COL5A2: variants seen among roughly 807,000 people sequenced by gnomAD.
COL5A2 encodes the protein collagen alpha-2(V) chain.
A neutral mutation model predicts 208.2 loss-of-function variants in COL5A2; 23 were observed. That is an observed-to-expected ratio of 0.11 (90% CI 0.08 to 0.16). The LOEUF (loss-of-function observed/expected upper bound fraction) is 0.16. Ranked by LOEUF, COL5A2 falls within the 10% of genes least tolerant of loss-of-function variation. The pLI is 1.00. For missense variants in COL5A2, 1,590 were observed against 1,956.4 expected (o/e 0.81, Z 3.53); for synonymous variants, 625 against 628.5 (o/e 0.99, Z 0.08).
chr2:189,169,541 G>T (rs1688532327), intron 1 of COL5A2, among the ~76,000 whole-genome samples: 1 of 152,026 alleles, frequency 6.6e-6, no homozygotes, highest in Admixed American at 6.6e-5. Context: ...TAAAATCACT[G>T]ATATATTACC....
chr2:189,169,341 G>A (rs537488651), intron 1 of COL5A2, among the ~76,000 whole-genome samples: 7 of 152,260 alleles, frequency 4.6e-5, no homozygotes, highest in South Asian at 2.1e-4. Flanking sequence ...GTGGGGCTGC[G>A]AAACAGGGGA....
chr2:189,084,584 C>A (rs899893149), intron 11 of COL5A2, among the ~76,000 whole-genome samples: 12 of 152,112 alleles, frequency 7.9e-5, no homozygotes, highest in African/African-American at 2.9e-4. Context: ...ATGGCCTACC[C>A]ATAATTTGAT....
Position 189,078,371 on chromosome 2 carries a change from C to G in COL5A2, c.1059+145G>C. The G allele has an allele frequency of 2.4e-5, 17 of 703,628 alleles. No homozygotes were observed. In the South Asian group the frequency reaches 2.8e-4, roughly 11 times the overall value. The allele number at this position is 703,628 out of a possible 1,614,324, so 43.6% of individuals were successfully genotyped here. On this transcript the variant is annotated intron_variant, in intron 16 of 53. Transcript: ENST00000374866. Reference sequence around the variant, plus strand: ...ACTTTCTTTTCAACTTTTCTGTAAACCTGACTTTATTCCAAAAGAAAAAGA... The same window carrying G: ...ACTTTCTTTTCAACTTTTCTGTAAAGCTGACTTTATTCCAAAAGAAAAAGA...
At chr2:189,227,953 T>C (rs1161373761), upstream of COL5A2, among the ~76,000 whole-genome samples, 2 of 151,902 alleles carry the variant, frequency 1.3e-5, no homozygotes, top group African/African-American at 2.4e-5. Context: ...ACTTAACTAA[T>C]TTATAAGATT....
rs377049803 is a variant in COL5A2 at position 189,045,201 on chromosome 2, C to T, written c.3341G>A (p.Arg1114Gln). The change falls in exon 47 of 54, where the codon CGA becomes CAA. Residue 1114 changes from arginine to glutamine, a missense_variant. Physicochemically the swap from Arg to Gln is conservative, Grantham distance 43 (BLOSUM62 1). Transcript: ENST00000374866. ...TACAGGTAATCCACGTTTCCCAGCT[C>T]GACCAGGTGGTCCTATAGGACCCCG... is the stretch of plus-strand genomic sequence containing the variant. ...GSRGPIGPPGRAGKRGLPGPQ... is the reference protein window; with the variant it reads ...GSRGPIGPPGQAGKRGLPGPQ... The T allele has an allele frequency of 1.4e-5, 23 of 1,605,832 alleles. No individual in the cohort carries two copies. Among genetic ancestry groups the T allele is most frequent in the Admixed American group, 1.7e-5 (1 of 59,040 alleles).
chr2:189,318,372 T>C, the COL5A2 span, among the ~76,000 whole-genome samples: 1 of 152,254 alleles, frequency 6.6e-6, no homozygotes, highest in Non-Finnish European at 1.5e-5. Flanking sequence ...CTAAATTTCC[T>C]TCTCTTGCCT....
At chr2:189,350,169 T>C in the COL5A2 span, among the ~76,000 whole-genome samples, 1 of 152,070 alleles carries the variant, frequency 6.6e-6, no homozygotes, top group Non-Finnish European at 1.5e-5. Flanking sequence ...TAAATTAAAA[T>C]ACAAAGTGAC....
the COL5A2 span, among the ~76,000 whole-genome samples, chr2:189,339,965 G>A: frequency 9.2e-5 from 14 of 152,120 alleles, no homozygotes; most frequent in African/African-American, 3.4e-4. Context: ...TGGGACAACT[G>A]GGCCAGTTTT....
At chr2:189,259,428 C>T in the COL5A2 span, among the ~76,000 whole-genome samples, 1 of 152,186 alleles carries the variant, frequency 6.6e-6, no homozygotes, top group Non-Finnish European at 1.5e-5. Flanking sequence ...TCCAAGACAG[C>T]CTCAATTTTA....
the COL5A2 span, among the ~76,000 whole-genome samples, chr2:189,248,885 A>G: frequency 1.3e-5 from 2 of 152,298 alleles, no homozygotes; most frequent in East Asian, 3.8e-4. Flanking sequence ...CATCATTAAT[A>G]TAATTTTAAA....
the COL5A2 span, among the ~76,000 whole-genome samples, chr2:189,267,906 C>CT: frequency 1.2e-4 from 18 of 152,164 alleles, no homozygotes; most frequent in Admixed American, 2.0e-4. Flanking sequence ...TAGCCCAGTG[C>CT]TTTTTTATCA....
At chr2:189,047,371 C>T (rs1300209575) in intron 45 of COL5A2, among the ~76,000 whole-genome samples, 6 of 152,150 alleles carry the variant, frequency 3.9e-5, no homozygotes, top group Non-Finnish European at 4.4e-5. Flanking sequence ...AGTAGATGAG[C>T]GGGACTTAGC....
chr2:189,329,258 T>C, the COL5A2 span, among the ~76,000 whole-genome samples: 1 of 152,130 alleles, frequency 6.6e-6, no homozygotes, highest in East Asian at 1.9e-4. Flanking sequence ...CACTTAAGTA[T>C]GGAATCTAAG....
chr2:189,120,054 A>G (rs1687469746), intron 1 of COL5A2, among the ~76,000 whole-genome samples: 1 of 152,156 alleles, frequency 6.6e-6, no homozygotes, highest in Admixed American at 6.5e-5. Context: ...GGAAAAAGGA[A>G]TAGAGGCATT....
At chr2:189,037,387 T>C (rs1484491544) in intron 51 of COL5A2, among the ~76,000 whole-genome samples, 1 of 152,190 alleles carries the variant, frequency 6.6e-6, no homozygotes, top group Non-Finnish European at 1.5e-5. Context: ...TTTGCATACA[T>C]GGGTGTGTGT....
chr2:189,357,126 C>T, the COL5A2 span, among the ~76,000 whole-genome samples: 3 of 152,156 alleles, frequency 2.0e-5, no homozygotes, highest in Admixed American at 6.5e-5. Context: ...AGAGGGCCAT[C>T]GACCAGATGC....
intron 1 of COL5A2, among the ~76,000 whole-genome samples, chr2:189,141,060 T>C (rs1687924686): frequency 6.6e-6 from 1 of 152,148 alleles, no homozygotes; most frequent in African/African-American, 2.4e-5. Flanking sequence ...GCCAGATGTA[T>C]TCCTTTTAAT....
chr2:189,130,136 A>G lies in COL5A2; in HGVS notation c.98-19687T>C, dbSNP rs542323395. Among the ~76,000 whole-genome samples the G allele has an allele frequency of 2.0e-5, 3 of 152,042 alleles. No individual in the cohort carries two copies. In the East Asian group the frequency reaches 5.8e-4, roughly 29 times the overall value. On this transcript the variant is annotated intron_variant, in intron 1 of 53. Coordinates refer to ENST00000374866, the MANE Select transcript of COL5A2 (RefSeq NM_000393.5). ...GACAAACACATTCCTGAATACTTTT[A>G]TTTCTGAAAGAAACAGTCTTGTCTA...
At chr2:189,352,097 A>G in the COL5A2 span, among the ~76,000 whole-genome samples, 7 of 152,136 alleles carry the variant, frequency 4.6e-5, no homozygotes, top group Non-Finnish European at 1.0e-4. Context: ...GATGGTTTCC[A>G]GCATCATCCA....
Sources: gnomAD v4.1 joint callset for allele counts (sites outside exome capture counted in the v4.1 genomes callset) on GRCh38, gnomAD v4.1.1 for gene constraint, MANE v1.5 for transcripts, NCBI Gene and HGNC (gene_info 2026-07-23, HGNC 2026-07-21) for gene names.